FGD2: variants seen among roughly 807,000 people sequenced by gnomAD.
FGD2 encodes FYVE, RhoGEF and PH domain containing 2.
In FGD2, 52 loss-of-function variants were observed where a neutral mutation model predicts 75.9. The ratio of observed to expected loss-of-function variants is 0.69; its 90% CI spans 0.55 to 0.86. FGD2 has a LOEUF of 0.86. FGD2 is among the 40% of genes least tolerant of loss of function. FGD2 has a pLI of 0.00. For synonymous variants in FGD2, 347 were observed against 348.6 expected, an observed-to-expected ratio of 1.00 and a Z score of 0.05; for missense variants, 790 against 872.0, an observed-to-expected ratio of 0.91 and a Z score of 1.18.
At position 37,020,731 on chromosome 6, in the gene FGD2, TG is replaced by T; in HGVS notation, c.1227del (p.Trp409Ter). On this transcript the variant is annotated frameshift_variant, in exon 11 of 16. Transcript: ENST00000274963. LOFTEE classifies it high-confidence loss of function. ...QARSQEEMIS[W>X]MQAFQAAIDQ... ...CAGGTCCCAGGAGGAAATGATTTCC[TG>T]GATGCAGGTATGGGAACGCTCCGAG... 6.4e-7 allele frequency: 1 copy of T among 1,568,630 alleles called. No homozygotes were observed.
At chr6:37,013,423 C>T in intron 4 of FGD2, 186 bp from the exon 5 acceptor site, 1 of 1,398,686 alleles carries the variant, frequency 7.1e-7, no homozygotes, top group Non-Finnish European at 9.3e-7. Flanking sequence ...CCTTTGGCCT[C>T]AGGAGGCTCA....
intron 9 of FGD2, among the ~76,000 whole-genome samples, chr6:37,018,361 T>C (rs1289335311): frequency 6.6e-6 from 1 of 152,166 alleles, no homozygotes; most frequent in Non-Finnish European, 1.5e-5. Context: ...CTGGACGGCA[T>C]GGGCTTGGCA....
At position 37,021,496 on chromosome 6, in the gene FGD2, C is replaced by G. The variant is rs371554330; in HGVS notation, c.1234-16C>G. On this transcript the variant is annotated splice_polypyrimidine_tract_variant and intron_variant, in intron 11 of 15. Transcript: ENST00000274963. ...CCACACCTCAAGCCCCGACCCTCCC[C>G]CTCCCTGCACCCCAGGCCTTCCAAG... The G allele has an allele frequency of 1.4e-5, 23 of 1,610,526 alleles. No individual in the cohort carries two copies. Among genetic ancestry groups the G allele is most frequent in the Non-Finnish European group, 1.9e-5 (22 of 1,178,068 alleles).
intron 14 of FGD2, chr6:37,026,338 G>C: frequency 1.0e-6 from 1 of 985,386 alleles, no homozygotes; most frequent in Non-Finnish European, 1.2e-6. Context: ...CAGACAGATT[G>C]GAGACTCCAT....
At chr6:37,026,828 C>T (rs966049841) in intron 14 of FGD2, among the ~76,000 whole-genome samples, 2 of 150,800 alleles carry the variant, frequency 1.3e-5, no homozygotes, top group African/African-American at 2.5e-5. Context: ...GGTGAAGTCC[C>T]GTCTCTACTA....
In FGD2 at chr6:37,028,236, GCCT is replaced by G; in HGVS notation, c.*75_*77del. 2.9e-6 allele frequency: 4 copies of G among 1,390,808 alleles called. No homozygotes were observed. Among genetic ancestry groups the G allele is most frequent in the Non-Finnish European group, 3.8e-6 (4 of 1,054,382 alleles). 86.2% of individuals were successfully genotyped at this position (1,390,808 alleles called of 1,614,324 possible). ...GCTCCTGCCACAGACTGACCCTGTG[GCCT>G]CAGTGACCCACTGCCCCAAGTGGTG... On this transcript the variant is annotated 3_prime_UTR_variant, in exon 16 of 16. Coordinates refer to ENST00000274963, the MANE Select transcript of FGD2 (RefSeq NM_173558.4).
At chr6:37,020,887 C>CAT in intron 11 of FGD2, 148 bp downstream of exon 11, 3 of 697,308 alleles carry the variant, frequency 4.3e-6, no homozygotes, top group Non-Finnish European at 4.2e-6. Context: ...TGTATGTATG[C>CAT]ATGTGTGTGT....
chr6:37,005,671 C>A lies in FGD2; in HGVS notation c.-147C>A. On this transcript the variant is annotated 5_prime_UTR_variant, in exon 1 of 16. Coordinates refer to ENST00000274963, the MANE Select transcript of FGD2 (RefSeq NM_173558.4). Reference sequence around the variant, plus strand: ...TCTTTCTTCACTCTGAAGCCAAGAGCCGACCTTCTGAGCCCTCAAGAAAGA... The same window carrying A: ...TCTTTCTTCACTCTGAAGCCAAGAGACGACCTTCTGAGCCCTCAAGAAAGA... 1.2e-6 allele frequency: 1 copy of A among 825,854 alleles called. No individual in the cohort carries two copies. The highest frequency in any genetic ancestry group is 2.0e-6 in the Non-Finnish European group (1 of 510,292). The allele number at this position is 825,854 out of a possible 1,614,324, so 51.2% of individuals were successfully genotyped here.
rs149007517 is a variant in FGD2 at position 37,028,017 on chromosome 6, C to T, written c.1822C>T (p.Arg608Trp). 5.0e-5 allele frequency: 81 copies of T among 1,614,114 alleles called. No homozygotes were observed. The highest frequency in any genetic ancestry group is 3.6e-4 in the African/African-American group (27 of 75,068). Residue 608 changes from arginine to tryptophan, a missense_variant, in exon 16 of 16, where the codon CGG becomes TGG. By Grantham distance (101) the Arg-to-Trp change is moderately radical (BLOSUM62 -3). Coordinates refer to ENST00000274963, the MANE Select transcript of FGD2 (RefSeq NM_173558.4). ...GACTGTTGGGCCCCAGGGGGACCCT[C>T]GGGTCTTCCAGCTACAGCAGTCAGG... ...QVTVGPQGDP[R>W]VFQLQQSGQL...
Position 37,008,784 on chromosome 6 carries a change from T to C in FGD2, c.69-50T>C, listed in dbSNP as rs1298919679. 2.0e-6 allele frequency: 3 copies of C among 1,488,078 alleles called. No individual in the cohort carries two copies. The East Asian group carries it at 7.0e-5, about 35-fold the overall frequency. The allele number at this position is 1,488,078 out of a possible 1,614,324, so 92.2% of individuals were successfully genotyped here. A position where few individuals can be genotyped will look rare whatever the true frequency, so the allele number is the denominator to read the frequency against. ...ATCCACACCAGGGACTTGCTGCTGT[T>C]TTCCCTGTTCTCCAGGGAGGAAGCC... On this transcript the variant is annotated intron_variant, in intron 1 of 15. Coordinates refer to ENST00000274963, the MANE Select transcript of FGD2 (RefSeq NM_173558.4).
chr6:37,027,291 T>C, intron 14 of FGD2, 138 bp from the exon 15 acceptor site: 3 of 998,578 alleles, frequency 3.0e-6, no homozygotes, highest in Non-Finnish European at 4.3e-6. Flanking sequence ...TGATGGGACC[T>C]CTCTGAGCCT....
intron 9 of FGD2, among the ~76,000 whole-genome samples, chr6:37,016,083 T>C (rs1002689750): frequency 1.3e-5 from 2 of 152,114 alleles, no homozygotes; most frequent in African/African-American, 2.4e-5. Flanking sequence ...TTCGCGGCAG[T>C]GCATGAGCCA....
In FGD2 at chr6:37,005,822, A is replaced by G; in HGVS notation, c.5A>G (p.Lys2Arg). The G allele has an allele frequency of 1.2e-6, 2 of 1,613,586 alleles. No homozygotes were observed. Among genetic ancestry groups the G allele is most frequent in the Non-Finnish European group, 1.7e-6 (2 of 1,179,794 alleles). ...TCCACCCCGGAAACCGGCAGGATGA[A>G]GGGGGCAAGTGAGGAGAAGCTGGCA... is the stretch of plus-strand genomic sequence containing the variant. M[K>R]GASEEKLASV... The change falls in exon 1 of 16, where the codon AAG (lysine) becomes AGG (arginine). Residue 2 changes from lysine (K) to arginine (R), a missense_variant. Lys to Arg is a conservative substitution (Grantham distance 26, BLOSUM62 2). Coordinates refer to ENST00000274963, the MANE Select transcript of FGD2 (RefSeq NM_173558.4).
At chr6:37,011,515 T>C in intron 3 of FGD2, 191 bp from the exon 4 acceptor site, 2 of 712,586 alleles carry the variant, frequency 2.8e-6, no homozygotes, top group Non-Finnish European at 4.6e-6. Context: ...TCTCTAGGCT[T>C]TGCCTTGCTC....
Position 37,014,026 on chromosome 6 carries a change from C to A in FGD2, c.749C>A (p.Pro250Gln), listed in dbSNP as rs144341931. ...ATGCTGGAACCAGTGCAGAGAATTC[C>A]ACGTTACGAGCTGCTGCTCAAGGAG... The part of the protein sequence containing the change: ...HHMLEPVQRI[P>Q]RYELLLKEYI... Residue 250 changes from proline (P) to glutamine (Q), a missense_variant, in exon 6 of 16, where the codon CCA becomes CAA. Coordinates refer to ENST00000274963, the MANE Select transcript of FGD2 (RefSeq NM_173558.4). 6.2e-7 allele frequency: 1 copy of A among 1,614,104 alleles called. No homozygotes were observed. Among genetic ancestry groups the A allele is most frequent in the African/African-American group, 1.3e-5 (1 of 75,026 alleles).
chr6:37,025,855 C>A lies in FGD2; in HGVS notation c.1522C>A (p.Arg508=). The change falls in exon 14 of 16, where the codon CGA becomes AGA. Residue 508 remains arginine (R), a synonymous_variant. Transcript: ENST00000274963. ...ELKYDDNRPN[R]VCLHCYAFLT... is the part of the protein sequence containing the mutation. ...GAAATACGACGACAACAGGCCCAAC[C>A]GAGTCTGCCTCCACTGCTACGCATT... is the stretch of plus-strand genomic sequence containing the variant. 6.2e-7 allele frequency: 1 copy of A among 1,614,204 alleles called. No individual in the cohort carries two copies. The highest frequency in any genetic ancestry group is 8.5e-7 in the Non-Finnish European group (1 of 1,180,020).
At chr6:37,006,348 C>T (rs1430956260) in intron 1 of FGD2, among the ~76,000 whole-genome samples, 3 of 152,114 alleles carry the variant, frequency 2.0e-5, no homozygotes, top group Non-Finnish European at 2.9e-5. Context: ...ATGAGGCAAA[C>T]CAGGATGTAC....
At chr6:37,015,939 A>G (rs1230374309) in intron 9 of FGD2, 79 bp downstream of exon 9, 1 of 1,323,184 alleles carries the variant, frequency 7.6e-7, no homozygotes, top group Non-Finnish European at 1.0e-6. Flanking sequence ...GGGGCCAACC[A>G]GGTTCTCAAT....
intron 3 of FGD2, 80 bp from the exon 4 acceptor site, chr6:37,011,626 G>T: frequency 1.3e-6 from 2 of 1,584,750 alleles, no homozygotes; most frequent in Non-Finnish European, 1.7e-6. Flanking sequence ...CAGTAGGCTT[G>T]GTGGGACCCT....
Sources: allele counts gnomAD v4.1 joint callset (sites outside exome capture counted in the v4.1 genomes callset), GRCh38; gene constraint gnomAD v4.1.1; transcripts MANE v1.5; gene names NCBI Gene and HGNC (gene_info 2026-07-23, HGNC 2026-07-21).